BMPER: variants seen among roughly 807,000 people sequenced by gnomAD.
BMPER encodes the protein BMP binding endothelial regulator.
In BMPER, 45 loss-of-function variants were observed where a neutral mutation model predicts 87.3. The observed-to-expected ratio is 0.52, with a 90% confidence interval of 0.41 to 0.66. The LOEUF (loss-of-function observed/expected upper bound fraction) is 0.66. BMPER is among the 30% of genes least tolerant of loss of function. BMPER has a pLI of 0.00. For synonymous variants in BMPER, 326 were observed against 316.2 expected, an observed-to-expected ratio of 1.03 and a Z score of -0.33; for missense variants, 784 against 867.5, an observed-to-expected ratio of 0.90 and a Z score of 1.21.
chr7:34,149,272 A>G (rs142567308), intron 14 of BMPER, among the ~76,000 whole-genome samples: 134 of 152,318 alleles, frequency 8.8e-4, no homozygotes, highest in African/African-American at 3.2e-3. Context: ...TTTTAAAGGC[A>G]TATCAAGAGA....
intron 3 of BMPER, among the ~76,000 whole-genome samples, chr7:33,959,243 T>C (rs930273645): frequency 1.3e-5 from 2 of 152,222 alleles, no homozygotes; most frequent in African/African-American, 4.8e-5. Flanking sequence ...GCCTCACCTA[T>C]AATAATTATG....
intron 12 of BMPER, among the ~76,000 whole-genome samples, chr7:34,083,957 G>A (rs1789125098): frequency 1.4e-5 from 2 of 146,878 alleles, no homozygotes; most frequent in African/African-American, 5.1e-5. Context: ...CTCAAAACAG[G>A]CAAAATGAAA....
At chr7:34,092,895 T>C (rs1013633036) in intron 13 of BMPER, among the ~76,000 whole-genome samples, 1 of 152,208 alleles carries the variant, frequency 6.6e-6, no homozygotes, top group Non-Finnish European at 1.5e-5. Context: ...ACTGTTTCTT[T>C]AAAAAGAGAA....
At chr7:33,919,872 C>T (rs1333076901) in intron 2 of BMPER, among the ~76,000 whole-genome samples, 1 of 152,042 alleles carries the variant, frequency 6.6e-6, no homozygotes, top group East Asian at 1.9e-4. Context: ...GTCAGAGCAA[C>T]CTGTTAGTCC....
At chr7:34,025,438 G>T (rs1312828382) in intron 6 of BMPER, among the ~76,000 whole-genome samples, 3 of 151,924 alleles carry the variant, frequency 2.0e-5, no homozygotes, top group African/African-American at 4.8e-5. Flanking sequence ...TGATATAGGG[G>T]ATCCCAGGAG....
chr7:34,143,161 G>A (rs1394956842), intron 13 of BMPER, 69 bp from the exon 14 acceptor site: 1 of 1,601,474 alleles, frequency 6.2e-7, no homozygotes, highest in Admixed American at 1.7e-5. Flanking sequence ...GACCCTTTCT[G>A]AAGTTATATT....
chr7:34,099,181 A>G (rs1789611874), intron 13 of BMPER, among the ~76,000 whole-genome samples: 1 of 152,176 alleles, frequency 6.6e-6, no homozygotes, highest in African/African-American at 2.4e-5. Context: ...AAACTGAGCT[A>G]CAGGAGTTAC....
chr7:34,091,198 CTTA>C (rs1462950728), intron 13 of BMPER, among the ~76,000 whole-genome samples: 2 of 152,284 alleles, frequency 1.3e-5, no homozygotes, highest in Admixed American at 1.3e-4. Flanking sequence ...AAACTGATCA[CTTA>C]TTATAAAGCA....
chr7:34,108,201 ATTGT>A (rs1372225724), intron 13 of BMPER, among the ~76,000 whole-genome samples: 2 of 152,272 alleles, frequency 1.3e-5, no homozygotes, highest in African/African-American at 4.8e-5. Context: ...GTTAATGGAG[ATTGT>A]TTGTCTTTCG....
chr7:34,117,249 C>T (rs1401431274), intron 13 of BMPER, among the ~76,000 whole-genome samples: 1 of 152,140 alleles, frequency 6.6e-6, no homozygotes, highest in African/African-American at 2.4e-5. Flanking sequence ...CAATGGGAAG[C>T]TACCTCAGAA....
At chr7:34,079,938 A>G (rs1788969745) in intron 12 of BMPER, among the ~76,000 whole-genome samples, 1 of 152,184 alleles carries the variant, frequency 6.6e-6, no homozygotes, top group Admixed American at 6.5e-5. Flanking sequence ...TTGCTACCTA[A>G]GAAAGGCATT....
At chr7:34,135,966 C>T (rs1396495592) in intron 13 of BMPER, among the ~76,000 whole-genome samples, 1 of 152,186 alleles carries the variant, frequency 6.6e-6, no homozygotes, top group Non-Finnish European at 1.5e-5. Context: ...CAGGTATCCT[C>T]CTGCCCTGTC....
At chr7:34,090,395 T>C (rs935336089) in intron 13 of BMPER, among the ~76,000 whole-genome samples, 1 of 152,160 alleles carries the variant, frequency 6.6e-6, no homozygotes, top group Non-Finnish European at 1.5e-5. Flanking sequence ...ATCTCTCTTC[T>C]CCAGCCTCAT....
At chr7:33,943,600 A>G (rs554838533) in intron 3 of BMPER, among the ~76,000 whole-genome samples, 1 of 152,340 alleles carries the variant, frequency 6.6e-6, no homozygotes, top group African/African-American at 2.4e-5. Flanking sequence ...TGCATGTGTC[A>G]AACTATGATG....
intron 3 of BMPER, among the ~76,000 whole-genome samples, chr7:33,958,491 GT>G (rs1393558564): frequency 6.6e-5 from 10 of 152,160 alleles, no homozygotes; most frequent in African/African-American, 2.4e-4. Context: ...AAATCTGCAT[GT>G]AACCTTAAAT....
chr7:34,043,444 G>A (rs1164493641), intron 6 of BMPER, among the ~76,000 whole-genome samples: 2 of 152,192 alleles, frequency 1.3e-5, no homozygotes, highest in African/African-American at 4.8e-5. Flanking sequence ...CCATTGGCTA[G>A]CATTCAGTCA....
At position 33,946,132 on chromosome 7, in the gene BMPER, A is replaced by G. The variant is rs11486836; in HGVS notation, c.319+8744A>G. ...ATCATGGCAGAAAGCACCTCTTCACAGGGCAGTAGGAGAGAGAATGAGAGC... is the reference window on the plus strand; with the variant it reads ...ATCATGGCAGAAAGCACCTCTTCACGGGGCAGTAGGAGAGAGAATGAGAGC... On this transcript the variant is annotated intron_variant, in intron 3 of 14. Transcript: ENST00000649409. Among the ~76,000 whole-genome samples the G allele has an allele frequency of 4.9e-4, 74 of 152,336 alleles. 1 individual carries two copies. The highest frequency in any genetic ancestry group is 1.7e-3 in the African/African-American group (72 of 41,578).
intron 10 of BMPER, among the ~76,000 whole-genome samples, chr7:34,059,969 G>A (rs1788392724): frequency 6.6e-6 from 1 of 152,064 alleles, no homozygotes; most frequent in East Asian, 1.9e-4. Flanking sequence ...AGTGGGGACT[G>A]GGTCATCAGG....
chr7:33,938,962 T>C (rs1196557785), intron 3 of BMPER, among the ~76,000 whole-genome samples: 12 of 152,088 alleles, frequency 7.9e-5, no homozygotes, highest in Non-Finnish European at 8.8e-5. Flanking sequence ...GAGGCAGAAG[T>C]TGCAGTGAGC....
Sources: allele counts gnomAD v4.1 joint callset (sites outside exome capture counted in the v4.1 genomes callset), GRCh38; gene constraint gnomAD v4.1.1; transcripts MANE v1.5; gene names NCBI Gene and HGNC (gene_info 2026-07-23, HGNC 2026-07-21).